Variants in FARSB observed in about 807,000 individuals in gnomAD.
FARSB encodes phenylalanyl-tRNA synthetase subunit beta.
In FARSB, 40 loss-of-function variants were observed where a neutral mutation model predicts 69.6. That is an observed-to-expected ratio of 0.57 (90% CI 0.45 to 0.75). The LOEUF is 0.75. FARSB is among the 30% of genes least tolerant of loss of function. The pLI is 0.00. For synonymous variants in FARSB, 235 were observed against 247.2 expected (o/e 0.95, Z 0.46); for missense variants, 632 against 722.9 (o/e 0.87, Z 1.44).
At chr2:222,599,674 G>T (rs548117385) in intron 16 of FARSB, among the ~76,000 whole-genome samples, 1 of 152,172 alleles carries the variant, frequency 6.6e-6, no homozygotes, top group Non-Finnish European at 1.5e-5. Flanking sequence ...TGGCTTAAAG[G>T]TGCCAGTAAC....
At chr2:222,628,233 C>T (rs1345461307) in intron 10 of FARSB, among the ~76,000 whole-genome samples, 1 of 152,118 alleles carries the variant, frequency 6.6e-6, no homozygotes, top group Non-Finnish European at 1.5e-5. Flanking sequence ...TGTTCTACAG[C>T]ACTGTAGGAT....
At chr2:222,611,728 C>T (rs1272516611) in intron 15 of FARSB, among the ~76,000 whole-genome samples, 6 of 152,188 alleles carry the variant, frequency 3.9e-5, no homozygotes, top group African/African-American at 7.2e-5. Flanking sequence ...AGAGTACAGT[C>T]TACACCTGGG....
intron 16 of FARSB, 46 bp downstream of exon 16, chr2:222,599,881 TC>T: frequency 6.9e-7 from 1 of 1,451,156 alleles, no homozygotes; most frequent in Non-Finnish European, 9.2e-7. Context: ...AGGTGTAGCC[TC>T]TTCCTGACAC....
At chr2:222,642,541 A>C (rs1691748894) in intron 3 of FARSB, among the ~76,000 whole-genome samples, 3 of 152,214 alleles carry the variant, frequency 2.0e-5, no homozygotes, top group Admixed American at 2.0e-4. Flanking sequence ...TGAACTACTC[A>C]TTCCAATTAG....
At chr2:222,620,334 G>C (rs1691106380) in intron 13 of FARSB, among the ~76,000 whole-genome samples, 1 of 152,136 alleles carries the variant, frequency 6.6e-6, no homozygotes, top group South Asian at 2.1e-4. Flanking sequence ...CTGACTTGTG[G>C]CAGAACAGTA....
intron 15 of FARSB, among the ~76,000 whole-genome samples, chr2:222,603,173 T>C (rs1268682504): frequency 6.6e-6 from 1 of 152,136 alleles, no homozygotes; most frequent in Non-Finnish European, 1.5e-5. Context: ...CTGGCCTCAT[T>C]TTGCTTTCCA....
chr2:222,569,018 A>C lies in FARSB; in HGVS notation c.*2853T>G, dbSNP rs556875714. ...ATCTTCTGTAATAAAGGCTTTTGGC[A>C]GTACTCACAGACTGCCCTGGCTCCA... On this transcript the variant is annotated 3_prime_UTR_variant, in exon 17 of 17. Coordinates refer to ENST00000281828, the MANE Select transcript of FARSB (RefSeq NM_005687.5). 3 of 152,212 alleles carry C rather than the reference A, an allele frequency of 2.0e-5. No homozygotes were observed. The highest frequency in any genetic ancestry group is 4.4e-5 in the Non-Finnish European group (3 of 68,044). The allele number at this position is 152,212 out of a possible 1,614,324, so 9.4% of individuals were successfully genotyped here.
chr2:222,601,562 A>G (rs1318623023), intron 15 of FARSB, among the ~76,000 whole-genome samples: 1 of 152,172 alleles, frequency 6.6e-6, no homozygotes, highest in African/African-American at 2.4e-5. Context: ...GGCAAGGATA[A>G]TTTTTTCCAA....
intron 16 of FARSB, among the ~76,000 whole-genome samples, chr2:222,596,271 A>G (rs1690412091): frequency 6.6e-6 from 1 of 152,186 alleles, no homozygotes. Context: ...ACAAAACTCC[A>G]TAGGTTAATG....
chr2:222,632,190 ATT>A (rs1433556355), intron 7 of FARSB, among the ~76,000 whole-genome samples: 3 of 152,228 alleles, frequency 2.0e-5, no homozygotes, highest in Admixed American at 1.3e-4. Context: ...AACAACTTAT[ATT>A]TAAAGCTCCT....
At chr2:222,584,190 CAGATTAG>C (rs1690044809) in intron 16 of FARSB, among the ~76,000 whole-genome samples, 1 of 151,962 alleles carries the variant, frequency 6.6e-6, no homozygotes, top group Non-Finnish European at 1.5e-5. Flanking sequence ...AACACGATAT[CAGATTAG>C]CTCTCAAACA....
Position 222,613,515 on chromosome 2 carries a change from A to C in FARSB, c.1462+296T>G, listed in dbSNP as rs367848049. ...AGCTGATATCAGGCCACTGCACTCCAGCCTGGGTGAAGAGTGAAACTCTGC... is the reference window on the plus strand; with the variant it reads ...AGCTGATATCAGGCCACTGCACTCCCGCCTGGGTGAAGAGTGAAACTCTGC... On this transcript the variant is annotated intron_variant, in intron 15 of 16. Coordinates refer to ENST00000281828, the MANE Select transcript of FARSB (RefSeq NM_005687.5). 3.9e-5 allele frequency among the ~76,000 whole-genome samples: 6 copies of C among 152,376 alleles called. No homozygotes were observed. The East Asian group carries it at 5.8e-4, about 15-fold the overall frequency.
At chr2:222,596,201 A>G (rs1690409903) in intron 16 of FARSB, among the ~76,000 whole-genome samples, 1 of 152,058 alleles carries the variant, frequency 6.6e-6, no homozygotes, top group African/African-American at 2.4e-5. Context: ...TTTTGCAGAT[A>G]CTCCACATGC....
At chr2:222,604,185 TC>T (rs1690641316) in intron 15 of FARSB, among the ~76,000 whole-genome samples, 1 of 148,090 alleles carries the variant, frequency 6.8e-6, no homozygotes, top group Non-Finnish European at 1.5e-5. Flanking sequence ...GCCACTGCAC[TC>T]CAGCCTGAGC....
chr2:222,580,867 G>A (rs1689950344), intron 16 of FARSB, among the ~76,000 whole-genome samples: 1 of 152,148 alleles, frequency 6.6e-6, no homozygotes, highest in South Asian at 2.1e-4. Context: ...TCGGAAGGGG[G>A]AAAATGAGGG....
chr2:222,613,714 T>C (rs896633778), intron 15 of FARSB, 97 bp downstream of exon 15: 1 of 743,892 alleles, frequency 1.3e-6, no homozygotes, highest in Non-Finnish European at 2.3e-6. Context: ...TAGGGGCTAA[T>C]TATACTATTT....
chr2:222,653,176 C>T (rs1273275779), intron 1 of FARSB, among the ~76,000 whole-genome samples: 1 of 152,054 alleles, frequency 6.6e-6, no homozygotes, highest in Non-Finnish European at 1.5e-5. Flanking sequence ...ACAGAAAGTC[C>T]GTTGAAAAGG....
chr2:222,633,123 C>G (rs779658861), intron 7 of FARSB, 76 bp downstream of exon 7: 15 of 801,384 alleles, frequency 1.9e-5, no homozygotes, highest in Non-Finnish European at 3.1e-5. Context: ...TCAGCCAAGT[C>G]TATTGAGAAT....
intron 8 of FARSB, among the ~76,000 whole-genome samples, chr2:222,631,126 G>A (rs995043236): frequency 6.6e-6 from 1 of 151,612 alleles, no homozygotes; most frequent in African/African-American, 2.4e-5. Context: ...ATAATTTTGT[G>A]TGCATAAACC....
Sources: gnomAD v4.1 joint callset for allele counts (sites outside exome capture counted in the v4.1 genomes callset) on GRCh38, gnomAD v4.1.1 for gene constraint, MANE v1.5 for transcripts, NCBI Gene and HGNC (gene_info 2026-07-23, HGNC 2026-07-21) for gene names.